The following UBE2E3 variants were observed in gnomAD, a reference collection of about 807,000 sequenced individuals.
UBE2E3 encodes the protein ubiquitin-conjugating enzyme E2 E3.
Under a neutral mutation model 23.6 loss-of-function variants are expected in UBE2E3, and 5 were observed. The ratio of observed to expected loss-of-function variants is 0.21; its 90% CI spans 0.11 to 0.44. The LOEUF is 0.44. Ranked by LOEUF, UBE2E3 falls within the 20% of genes least tolerant of loss-of-function variation. The pLI is 0.99. For synonymous variants in UBE2E3, 78 were observed against 87.5 expected (o/e 0.89, Z 0.60); for missense variants, 81 against 249.8 (o/e 0.32, Z 4.55).
intron 3 of UBE2E3, among the ~76,000 whole-genome samples, chr2:181,037,884 C>G (rs1353440794): frequency 6.6e-6 from 1 of 152,178 alleles, no homozygotes; most frequent in Non-Finnish European, 1.5e-5. Context: ...GGGAGGACCA[C>G]TTGAGCCCAG....
At chr2:181,028,352 AACAATCGT>A (rs1320481402) in intron 3 of UBE2E3, among the ~76,000 whole-genome samples, 1 of 152,076 alleles carries the variant, frequency 6.6e-6, no homozygotes, top group Non-Finnish European at 1.5e-5. Flanking sequence ...TGTCACTATG[AACAATCGT>A]ACTGTGAAGA....
chr2:181,051,119 C>T lies in UBE2E3; in HGVS notation c.246-6574C>T, dbSNP rs139544895. Reference sequence around the variant, plus strand: ...ATTTCTGCATGTTTTCATACTTTCACGGTGTATGTATGCATTCATAAACAA... The same window carrying T: ...ATTTCTGCATGTTTTCATACTTTCATGGTGTATGTATGCATTCATAAACAA... On this transcript the variant is annotated intron_variant, in intron 3 of 5. Transcript: ENST00000410062. Among the ~76,000 whole-genome samples the T allele has an allele frequency of 1.9e-3, 287 of 151,832 alleles. 10 individuals are homozygous for T. In the East Asian group the frequency reaches 0.048, roughly 25 times the overall value.
intron 3 of UBE2E3, among the ~76,000 whole-genome samples, chr2:181,035,649 A>AT (rs1183344863): frequency 1.3e-5 from 2 of 152,132 alleles, no homozygotes; most frequent in Non-Finnish European, 2.9e-5. Context: ...GCCCAACACA[A>AT]ATTCGAAAAC....
At chr2:181,014,707 T>C (rs1685434148) in intron 3 of UBE2E3, among the ~76,000 whole-genome samples, 1 of 152,132 alleles carries the variant, frequency 6.6e-6, no homozygotes, top group African/African-American at 2.4e-5. Flanking sequence ...CAGAGCTGTT[T>C]TATTATTTTT....
chr2:181,006,441 G>C (rs1450260215), intron 3 of UBE2E3, among the ~76,000 whole-genome samples: 1 of 150,702 alleles, frequency 6.6e-6, no homozygotes, highest in African/African-American at 2.4e-5. Flanking sequence ...ACTACTTCTG[G>C]ATCTAGGATG....
intron 3 of UBE2E3, chr2:180,990,171 C>G (rs1574158283): frequency 1.8e-6 from 1 of 555,544 alleles, no homozygotes; most frequent in Admixed American, 3.1e-5. Context: ...CTCCCCTTCC[C>G]CAGCCACCAG....
At chr2:181,043,598 A>C (rs377117174) in intron 3 of UBE2E3, among the ~76,000 whole-genome samples, 129 of 152,314 alleles carry the variant, frequency 8.5e-4, no homozygotes, top group African/African-American at 3.1e-3. Context: ...TGGATGAGGG[A>C]TACTTAACCT....
intron 3 of UBE2E3, among the ~76,000 whole-genome samples, chr2:181,002,467 A>G (rs2105593883): frequency 6.6e-6 from 1 of 152,306 alleles, no homozygotes; most frequent in Middle Eastern, 3.4e-3. Context: ...TTACGAACGA[A>G]GAAAACCCTC....
At chr2:180,991,284 A>G (rs1226911232) in intron 3 of UBE2E3, among the ~76,000 whole-genome samples, 1 of 152,110 alleles carries the variant, frequency 6.6e-6, no homozygotes, top group African/African-American at 2.4e-5. Flanking sequence ...AAGTTGAGAT[A>G]GTATTGATTA....
chr2:180,982,887 T>A (rs1684346238), intron 2 of UBE2E3, among the ~76,000 whole-genome samples: 1 of 152,204 alleles, frequency 6.6e-6, no homozygotes, highest in African/African-American at 2.4e-5. Flanking sequence ...ACTTGCATTG[T>A]CCTTGGGCCT....
At chr2:181,040,114 T>C (rs1468348082) in intron 3 of UBE2E3, among the ~76,000 whole-genome samples, 1 of 152,226 alleles carries the variant, frequency 6.6e-6, no homozygotes, top group African/African-American at 2.4e-5. Context: ...ATTTGACTGT[T>C]TCCTTGACAT....
chr2:180,983,919 T>TA, intron 2 of UBE2E3, 124 bp from the exon 3 acceptor site: 1 of 645,532 alleles, frequency 1.5e-6, no homozygotes, highest in Middle Eastern at 2.7e-4. Flanking sequence ...AGCAGCCATG[T>TA]TAGCATTACT....
intron 3 of UBE2E3, among the ~76,000 whole-genome samples, chr2:181,007,514 T>TC (rs1305743904): frequency 6.7e-6 from 1 of 149,980 alleles, no homozygotes; most frequent in African/African-American, 2.5e-5. Context: ...TTTTTTTTTT[T>TC]CTTTCTTTAT....
chr2:181,041,234 CA>C lies in UBE2E3; in HGVS notation c.246-16440del, dbSNP rs1206207155. 4.5e-3 allele frequency among the ~76,000 whole-genome samples: 348 copies of C among 77,144 alleles called. 1 individual carries two copies. Among genetic ancestry groups the C allele is most frequent in the African/African-American group, 0.012 (223 of 18,966 alleles). The allele number at this position is 77,144 out of a possible 152,430, so 50.6% of individuals were successfully genotyped here. ...CTAACGACAGAGCAAGACTCCGTCT[CA>C]AAAAAAAAAAAAAAAAAAGATAGAT... On this transcript the variant is annotated intron_variant, in intron 3 of 5. Coordinates refer to ENST00000410062, the MANE Select transcript of UBE2E3 (RefSeq NM_006357.4).
At chr2:181,039,538 A>T (rs548359570) in intron 3 of UBE2E3, among the ~76,000 whole-genome samples, 1 of 152,076 alleles carries the variant, frequency 6.6e-6, no homozygotes, top group Non-Finnish European at 1.5e-5. Flanking sequence ...TGGGATTTCG[A>T]GGTGGGCAGA....
At chr2:181,050,318 A>G (rs952355422) in intron 3 of UBE2E3, among the ~76,000 whole-genome samples, 9 of 151,992 alleles carry the variant, frequency 5.9e-5, no homozygotes, top group African/African-American at 2.2e-4. Flanking sequence ...CTTGAATTTT[A>G]TATCATTTTG....
chr2:180,990,790 A>G (rs562250438), intron 3 of UBE2E3, among the ~76,000 whole-genome samples: 1 of 152,324 alleles, frequency 6.6e-6, no homozygotes, highest in East Asian at 1.9e-4. Flanking sequence ...TCAGTTTGAC[A>G]TTGAATTACA....
chr2:181,021,612 CTCCCTCTCTCCCTCCCTTTT>C (rs141091840), intron 3 of UBE2E3, among the ~76,000 whole-genome samples: 2 of 90,918 alleles, frequency 2.2e-5, no homozygotes, highest in South Asian at 4.3e-4. Flanking sequence ...TCCTTCCTTC[CTCCCTCTCTCCCTCCCTTTT>C]TTCCTTCCTT....
rs371640455 is a variant in UBE2E3, at chr2:181,042,567, C to T, written c.246-15126C>T. 3.9e-5 allele frequency among the ~76,000 whole-genome samples: 6 copies of T among 152,142 alleles called. No individual in the cohort carries two copies. In the East Asian group the frequency reaches 7.7e-4, roughly 20 times the overall value. On this transcript the variant is annotated intron_variant, in intron 3 of 5. Coordinates refer to ENST00000410062, the MANE Select transcript of UBE2E3 (RefSeq NM_006357.4). Reference sequence around the variant, plus strand: ...AGTCCTGAGAAGTTTTCTAAGGATGCTGGTGAAAGAGTGCCAAACTGGAAG... The same window carrying T: ...AGTCCTGAGAAGTTTTCTAAGGATGTTGGTGAAAGAGTGCCAAACTGGAAG...
Sources: allele counts gnomAD v4.1 joint callset (sites outside exome capture counted in the v4.1 genomes callset), GRCh38; gene constraint gnomAD v4.1.1; transcripts MANE v1.5; gene names NCBI Gene and HGNC (gene_info 2026-07-23, HGNC 2026-07-21).